GRIN2A: variants seen among roughly 807,000 people sequenced by gnomAD.
The protein encoded by GRIN2A is glutamate ionotropic receptor NMDA type subunit 2A.
A neutral mutation model predicts 113.4 loss-of-function variants in GRIN2A; 22 were observed. The ratio of observed to expected loss-of-function variants is 0.19; its 90% CI spans 0.14 to 0.28. The LOEUF (loss-of-function observed/expected upper bound fraction) is 0.28, where lower values mean the gene tolerates loss of function less well. GRIN2A is among the 10% of genes least tolerant of loss of function. The pLI, the probability that GRIN2A is intolerant of heterozygous loss-of-function variation, is 1.00. For synonymous variants in GRIN2A, 827 were observed against 738.4 expected (o/e 1.12, Z -1.94); for missense variants, 1,502 against 1,887.0 (o/e 0.80, Z 3.78).
Position 9,763,956 on chromosome 16 carries a change from C to T in GRIN2A, c.3588G>A (p.Lys1196=), listed in dbSNP as rs2141130727. The T allele has an allele frequency of 1.2e-6, 2 of 1,614,098 alleles. No homozygotes were observed. Among genetic ancestry groups the T allele is most frequent in the Non-Finnish European group, 1.7e-6 (2 of 1,179,998 alleles). The change falls in exon 13 of 13, where the codon AAG becomes AAA. Residue 1196 remains lysine, a synonymous_variant. Transcript: ENST00000330684. Reference sequence around the variant, plus strand: ...CGCTGGTCTCACTGTGCGGGGAACCCTTGTCTTTCAAGGTGAAGTGCTTGG... The same window carrying T: ...CGCTGGTCTCACTGTGCGGGGAACCTTTGTCTTTCAAGGTGAAGTGCTTGG... ...LYSKHFTLKD[K]GSPHSETSER...
intron 2 of GRIN2A, among the ~76,000 whole-genome samples, chr16:9,998,011 T>A (rs1323757065): frequency 1.3e-5 from 2 of 152,234 alleles, no homozygotes; most frequent in South Asian, 2.1e-4. Context: ...TACATGTACC[T>A]ACTACATTTA....
intron 2 of GRIN2A, among the ~76,000 whole-genome samples, chr16:10,107,280 T>G (rs1420791699): frequency 6.6e-6 from 1 of 152,132 alleles, no homozygotes; most frequent in East Asian, 1.9e-4. Flanking sequence ...TATATCCATG[T>G]AGGAAGATGG....
At chr16:10,083,995 G>C (rs937912635) in intron 2 of GRIN2A, among the ~76,000 whole-genome samples, 1 of 152,140 alleles carries the variant, frequency 6.6e-6, no homozygotes, top group African/African-American at 2.4e-5. Context: ...CCAGCTACTT[G>C]GGGGTTGAAG....
intron 11 of GRIN2A, among the ~76,000 whole-genome samples, chr16:9,775,053 C>G (rs531843161): frequency 6.6e-6 from 1 of 152,310 alleles, no homozygotes; most frequent in South Asian, 2.1e-4. Context: ...GATTTTATAG[C>G]AAGCAATGTG....
intron 2 of GRIN2A, among the ~76,000 whole-genome samples, chr16:10,048,326 T>G (rs1433629709): frequency 6.6e-6 from 1 of 152,208 alleles, no homozygotes; most frequent in Non-Finnish European, 1.5e-5. Context: ...TCGTAATCAA[T>G]CCTAGTCTCC....
intron 2 of GRIN2A, among the ~76,000 whole-genome samples, chr16:10,060,807 G>A (rs954001789): frequency 4.6e-5 from 7 of 152,124 alleles, no homozygotes; most frequent in Admixed American, 3.3e-4. Context: ...TCCTCTTTAC[G>A]AGTGCAAGCT....
intron 9 of GRIN2A, among the ~76,000 whole-genome samples, chr16:9,826,107 T>G (rs949803968): frequency 6.6e-6 from 1 of 152,168 alleles, no homozygotes; most frequent in African/African-American, 2.4e-5. Flanking sequence ...GGATTATTTC[T>G]AATCCTCCTA....
chr16:9,997,449 T>C (rs1352764918), intron 2 of GRIN2A, among the ~76,000 whole-genome samples: 1 of 152,236 alleles, frequency 6.6e-6, no homozygotes, highest in East Asian at 1.9e-4. Flanking sequence ...TTTCTTTTCA[T>C]GTTTTCTTTC....
In GRIN2A at chr16:9,769,052, C is replaced by T; in HGVS notation, c.2394G>A (p.Gly798=). Residue 798 remains glycine (G), a synonymous_variant, in exon 12 of 13, where the codon GGG becomes GGA. Transcript: ENST00000330684. ...MEELETLWLT[G]ICHNEKNEVM... is the part of the protein sequence containing the mutation. ...CCTCGTTCTTCTCGTTGTGGCAGATCCCAGTGAGCCACAGGGTCTCCAGCT... is the reference window on the plus strand; with the variant it reads ...CCTCGTTCTTCTCGTTGTGGCAGATTCCAGTGAGCCACAGGGTCTCCAGCT... The T allele has an allele frequency of 6.2e-7, 1 of 1,614,098 alleles. No homozygotes were observed. The highest frequency in any genetic ancestry group is 1.1e-5 in the South Asian group (1 of 91,082).
intron 2 of GRIN2A, among the ~76,000 whole-genome samples, chr16:10,098,834 C>T (rs1394787283): frequency 1.3e-5 from 2 of 151,966 alleles, no homozygotes; most frequent in Non-Finnish European, 2.9e-5. Context: ...TAAAAGACTA[C>T]AAATTGGATT....
At chr16:10,015,003 C>G (rs2046575990) in intron 2 of GRIN2A, among the ~76,000 whole-genome samples, 1 of 151,778 alleles carries the variant, frequency 6.6e-6, no homozygotes, top group African/African-American at 2.4e-5. Context: ...CCTGTAATCC[C>G]AGCACTTTGG....
chr16:10,095,176 A>G (rs1422457528), intron 2 of GRIN2A, among the ~76,000 whole-genome samples: 3 of 152,140 alleles, frequency 2.0e-5, no homozygotes, highest in Non-Finnish European at 4.4e-5. Flanking sequence ...CCAGTAAGAG[A>G]GCCCTTACTC....
Position 9,757,844 on chromosome 16 carries a change from A to G in GRIN2A, c.*5305T>C, listed in dbSNP as rs760808122. On this transcript the variant is annotated 3_prime_UTR_variant, in exon 13 of 13. Coordinates refer to ENST00000330684, the MANE Select transcript of GRIN2A (RefSeq NM_001134407.3). ...AAAGGAAAACCAAATTCAAAGAAGC[A>G]TGGGTAGGTCTTTCTGGGGCAAGTG... 4.4e-6 allele frequency: 1 copy of G among 225,672 alleles called. No individual in the cohort carries two copies. Among genetic ancestry groups the G allele is most frequent in the Non-Finnish European group, 8.8e-6 (1 of 113,090 alleles). The allele number at this position is 225,672 out of a possible 1,614,324, so 14.0% of individuals were successfully genotyped here. A position where few individuals can be genotyped will look rare whatever the true frequency, so the allele number is the denominator to read the frequency against.
chr16:9,769,066 G>T lies in GRIN2A; in HGVS notation c.2380C>A (p.Leu794Met). 3 of 1,613,934 alleles carry T rather than the reference G, an allele frequency of 1.9e-6. No individual in the cohort carries two copies. The highest frequency in any genetic ancestry group is 2.5e-6 in the Non-Finnish European group (3 of 1,179,794). ...TTGTGGCAGATCCCAGTGAGCCACA[G>T]GGTCTCCAGCTCCTCCATCTCACCT... Reference protein sequence around the residue: ...GDGEMEELETLWLTGICHNEK... With the variant: ...GDGEMEELETMWLTGICHNEK... The change falls in exon 12 of 13, where the codon CTG (leucine) becomes ATG (methionine). Residue 794 changes from leucine to methionine, a missense_variant. Around this residue, in one of 7 missense-constraint regions of GRIN2A, gnomAD observed 101 missense variants for 240.4 expected, o/e 0.42. Transcript: ENST00000330684.
At chr16:10,013,299 C>A (rs1374522525) in intron 2 of GRIN2A, among the ~76,000 whole-genome samples, 1 of 152,202 alleles carries the variant, frequency 6.6e-6, no homozygotes, top group Non-Finnish European at 1.5e-5. Flanking sequence ...CTGTTCCTCT[C>A]CCACGAAAGC....
intron 3 of GRIN2A, among the ~76,000 whole-genome samples, chr16:9,929,042 G>C (rs893298706): frequency 6.6e-6 from 1 of 152,292 alleles, no homozygotes; most frequent in East Asian, 1.9e-4. Flanking sequence ...AAGAGCACCT[G>C]GAATTTACAG....
intron 4 of GRIN2A, among the ~76,000 whole-genome samples, chr16:9,867,501 C>G (rs547795720): frequency 1.3e-5 from 2 of 152,312 alleles, no homozygotes; most frequent in South Asian, 4.1e-4. Flanking sequence ...AGGCATCTCT[C>G]CTCTAGCCTA....
At chr16:9,878,933 T>C (rs2043425073) in intron 4 of GRIN2A, among the ~76,000 whole-genome samples, 1 of 152,086 alleles carries the variant, frequency 6.6e-6, no homozygotes, top group Admixed American at 6.6e-5. Context: ...TTATTTCAGT[T>C]GAATGTGTTA....
chr16:9,842,787 A>G (rs754442333), intron 5 of GRIN2A, among the ~76,000 whole-genome samples: 1 of 152,110 alleles, frequency 6.6e-6, no homozygotes, highest in Non-Finnish European at 1.5e-5. Context: ...AAATACAAAA[A>G]TGAGCTGGGC....
Sources: allele counts gnomAD v4.1 joint callset (sites outside exome capture counted in the v4.1 genomes callset), GRCh38; gene constraint gnomAD v4.1.1; regional missense constraint gnomAD v4.1.1; transcripts MANE v1.5; gene names NCBI Gene and HGNC (gene_info 2026-07-23, HGNC 2026-07-21).